Variants in ALMS1 observed in about 807,000 individuals in gnomAD.
ALMS1 encodes the protein ALMS1 centrosome and basal body associated protein.
In ALMS1, 271 loss-of-function variants were observed where a neutral mutation model predicts 352.2. The ratio of observed to expected loss-of-function variants is 0.77; its 90% CI spans 0.70 to 0.85. The LOEUF is 0.85. Ranked by LOEUF, ALMS1 falls within the 40% of genes least tolerant of loss-of-function variation. The pLI, the probability that ALMS1 is intolerant of heterozygous loss-of-function variation, is 0.00. For synonymous variants in ALMS1, 1,865 were observed against 1,761.2 expected (o/e 1.06, Z -1.48); for missense variants, 5,445 against 4,870.7 (o/e 1.12, Z -3.51).
intron 1 of ALMS1, among the ~76,000 whole-genome samples, chr2:73,399,567 A>G (rs1670830876): frequency 6.6e-6 from 1 of 151,708 alleles, no homozygotes; most frequent in South Asian, 2.1e-4. Context: ...ACTTATCACT[A>G]AGGGAATGGT....
Position 73,448,121 on chromosome 2 carries a change from C to G in ALMS1, c.1594C>G (p.Gln532Glu). The G allele has an allele frequency of 6.2e-7, 1 of 1,613,916 alleles. No individual in the cohort carries two copies. The change falls in exon 8 of 23, where the codon CAA (glutamine) becomes GAA (glutamate). Residue 532 changes from glutamine (Q) to glutamate (E), a missense_variant. Coordinates refer to ENST00000613296, the MANE Select transcript of ALMS1 (RefSeq NM_001378454.1). ...VSSPLETTTG[Q>E]HTDTLNQKTL... ...TTCTCCTCTAGAAACTACTACTGGT[C>G]AACACACTGATACTCTCAACCAAAA... is the stretch of plus-strand genomic sequence containing the variant.
chr2:73,466,585 T>C (rs957503400), intron 9 of ALMS1, among the ~76,000 whole-genome samples: 1 of 152,004 alleles, frequency 6.6e-6, no homozygotes, highest in African/African-American at 2.4e-5. Flanking sequence ...GGCACTTGTA[T>C]ACATATGTAA....
At chr2:73,474,615 C>G (rs1411307580) in intron 9 of ALMS1, among the ~76,000 whole-genome samples, 1 of 152,016 alleles carries the variant, frequency 6.6e-6, no homozygotes, top group East Asian at 1.9e-4. Flanking sequence ...GCTGGTATTA[C>G]AGGCTTAAGC....
chr2:73,539,796 G>A (rs1015830373), intron 12 of ALMS1, among the ~76,000 whole-genome samples: 2 of 152,146 alleles, frequency 1.3e-5, no homozygotes, highest in South Asian at 2.1e-4. Flanking sequence ...TCAGATGAAT[G>A]AAATCAAGCG....
chr2:73,451,980 G>A lies in ALMS1; in HGVS notation c.5453G>A (p.Arg1818Gln), dbSNP rs200925575. Residue 1818 changes from arginine to glutamine, a missense_variant, in exon 8 of 23, where the codon CGA becomes CAA. Coordinates refer to ENST00000613296, the MANE Select transcript of ALMS1 (RefSeq NM_001378454.1). ...HREKPIVSYQRELPHFTEAGL... is the reference protein window; with the variant it reads ...HREKPIVSYQQELPHFTEAGL... The stretch of plus-strand genomic sequence containing the variant: ...GAGAAGCCCATTGTTTCCTACCAGC[G>A]AGAGTTGCCGCATTTTACTGAAGCA... 3.1e-6 allele frequency: 5 copies of A among 1,612,200 alleles called. No individual in the cohort carries two copies. The highest frequency in any genetic ancestry group is 1.7e-5 in the Admixed American group (1 of 59,860).
chr2:73,551,623 G>A (rs1674436938), intron 13 of ALMS1, among the ~76,000 whole-genome samples: 2 of 151,236 alleles, frequency 1.3e-5, no homozygotes, highest in East Asian at 3.9e-4. Context: ...TTTAGTAGAG[G>A]TGGGGTTTCA....
chr2:73,552,901 G>C (rs951264883), intron 13 of ALMS1, among the ~76,000 whole-genome samples: 2 of 152,106 alleles, frequency 1.3e-5, no homozygotes, highest in African/African-American at 2.4e-5. Context: ...ATAAAGAGAA[G>C]GGAAAAGATT....
chr2:73,485,076 G>A (rs1471669908), intron 9 of ALMS1, among the ~76,000 whole-genome samples: 6 of 152,284 alleles, frequency 3.9e-5, no homozygotes, highest in South Asian at 4.1e-4. Context: ...CTCTCAGCTC[G>A]TCAAAGTCAT....
rs1010887310 is a variant in ALMS1, at chr2:73,573,383, C to A, written c.11506C>A (p.Pro3836Thr). The change falls in exon 16 of 23, where the codon CCC becomes ACC. Residue 3836 changes from proline (P) to threonine (T), a missense_variant. Pro to Thr is a conservative substitution (Grantham distance 38, BLOSUM62 -1). Transcript: ENST00000613296. ...CAAGAAAGTGCTGAATACAGGTCAT[C>A]CCCTAGTGACTTCTGAGCACACCAG... ...HSKKVLNTGH[P>T]LVTSEHTRRR... The A allele has an allele frequency of 1.2e-6, 2 of 1,614,068 alleles. No homozygotes were observed. Among genetic ancestry groups the A allele is most frequent in the Non-Finnish European group, 1.7e-6 (2 of 1,179,994 alleles).
At chr2:73,426,654 T>G (rs1289903202) in intron 6 of ALMS1, 101 bp downstream of exon 6, 2 of 1,202,004 alleles carry the variant, frequency 1.7e-6, no homozygotes, top group Non-Finnish European at 2.4e-6. Flanking sequence ...TACTGTTTCC[T>G]GGGTACATGA....
At chr2:73,606,879 A>C (rs1482130259) in intron 21 of ALMS1, among the ~76,000 whole-genome samples, 1 of 152,188 alleles carries the variant, frequency 6.6e-6, no homozygotes, top group Non-Finnish European at 1.5e-5. Context: ...GGTTCCCGTG[A>C]GAAGGAAAGA....
intron 9 of ALMS1, among the ~76,000 whole-genome samples, chr2:73,466,582 G>C (rs1033584363): frequency 6.6e-6 from 1 of 151,890 alleles, no homozygotes; most frequent in African/African-American, 2.4e-5. Flanking sequence ...CATGGCACTT[G>C]TATACATATG....
rs748002199 is a variant in ALMS1, at chr2:73,452,899, T to C, written c.6372T>C (p.Ile2124=). The part of the protein sequence containing the change: ...VTEDVLKVST[I]PGPAGQKTVL... ...AAGATGTGCTGAAGGTTTCAACAAT[T>C]CCTGGACCAGCTGGCCAGAAAACAG... Residue 2124 remains isoleucine (I), a synonymous_variant, in exon 8 of 23, where the codon ATT becomes ATC. Transcript: ENST00000613296. The C allele has an allele frequency of 1.2e-6, 2 of 1,613,882 alleles. No homozygotes were observed. The highest frequency in any genetic ancestry group is 1.7e-6 in the Non-Finnish European group (2 of 1,179,970).
At chr2:73,459,145 T>G (rs191837937) in intron 9 of ALMS1, 43 of 152,364 alleles carry the variant, frequency 2.8e-4, no homozygotes, top group African/African-American at 9.9e-4. Context: ...ACAACCTAGT[T>G]ACTTTGCAGA....
intron 2 of ALMS1, among the ~76,000 whole-genome samples, chr2:73,411,613 G>A (rs995749709): frequency 6.6e-6 from 1 of 152,082 alleles, no homozygotes; most frequent in African/African-American, 2.4e-5. Flanking sequence ...GCCTGGGTTC[G>A]TCAGAATAGC....
intron 11 of ALMS1, among the ~76,000 whole-genome samples, chr2:73,527,737 T>G (rs907044393): frequency 6.6e-6 from 1 of 152,120 alleles, no homozygotes; most frequent in African/African-American, 2.4e-5. Context: ...GATGTTTTTC[T>G]CATATCAATT....
Position 73,522,746 on chromosome 2 carries a change from C to T in ALMS1, c.9781+2730C>T, listed in dbSNP as rs181472013. On this transcript the variant is annotated intron_variant, in intron 11 of 22. Coordinates refer to ENST00000613296, the MANE Select transcript of ALMS1 (RefSeq NM_001378454.1). Reference sequence around the variant, plus strand: ...CCTCCCAAAGTGTTGGGATTACAGGCGTGAGCCACTGCGCCTGGCCAAGGT... The same window carrying T: ...CCTCCCAAAGTGTTGGGATTACAGGTGTGAGCCACTGCGCCTGGCCAAGGT... 4.6e-5 allele frequency among the ~76,000 whole-genome samples: 7 copies of T among 152,228 alleles called. No individual in the cohort carries two copies. In the East Asian group the frequency reaches 9.6e-4, roughly 21 times the overall value.
intron 10 of ALMS1, among the ~76,000 whole-genome samples, chr2:73,517,692 T>A (rs1673589337): frequency 6.6e-6 from 1 of 152,078 alleles, no homozygotes; most frequent in Non-Finnish European, 1.5e-5. Context: ...AGTTTTGCTC[T>A]TGTTGCCCAA....
rs201560634 is a variant in ALMS1 at position 73,490,515 on chromosome 2, C to T, written c.8556C>T (p.Ser2852=). The T allele has an allele frequency of 1.2e-6, 2 of 1,614,154 alleles. No individual in the cohort carries two copies. Among genetic ancestry groups the T allele is most frequent in the Non-Finnish European group, 1.7e-6 (2 of 1,180,028 alleles). ...TTATTAGCATGGGCAGACCAAGTTCCACCCTAGGAGTAAACAGATCGAGTT... is the reference window on the plus strand; with the variant it reads ...TTATTAGCATGGGCAGACCAAGTTCTACCCTAGGAGTAAACAGATCGAGTT... ...HTLISMGRPS[S]TLGVNRSSSR... is the part of the protein sequence containing the mutation. The change falls in exon 10 of 23, where the codon TCC becomes TCT. Residue 2852 remains serine, a synonymous_variant. Coordinates refer to ENST00000613296, the MANE Select transcript of ALMS1 (RefSeq NM_001378454.1).
Sources: gnomAD v4.1 joint callset for allele counts (sites outside exome capture counted in the v4.1 genomes callset) on GRCh38, gnomAD v4.1.1 for gene constraint, MANE v1.5 for transcripts, NCBI Gene and HGNC (gene_info 2026-07-23, HGNC 2026-07-21) for gene names.